Variants in EPB41L2 observed in about 807,000 individuals in gnomAD.
EPB41L2 encodes the protein erythrocyte membrane protein band 4.1 like 2.
In EPB41L2, 43 loss-of-function variants were observed where a neutral mutation model predicts 113.0. That is an observed-to-expected ratio of 0.38 (90% CI 0.30 to 0.49). EPB41L2 has a LOEUF of 0.49. Ranked by LOEUF, EPB41L2 falls within the 20% of genes least tolerant of loss-of-function variation. The pLI is 0.95. For missense variants in EPB41L2, 1,147 were observed against 1,223.4 expected, an observed-to-expected ratio of 0.94 and a Z score of 0.93; for synonymous variants, 442 against 436.7, an observed-to-expected ratio of 1.01 and a Z score of -0.15.
intron 19 of EPB41L2, among the ~76,000 whole-genome samples, chr6:130,846,780 T>C (rs1227928768): frequency 1.3e-5 from 2 of 152,194 alleles, no homozygotes; most frequent in South Asian, 2.1e-4. Flanking sequence ...TACATGCTAA[T>C]ATAACTTTAC....
chr6:131,054,448 C>T (rs986584348), intron 1 of EPB41L2, among the ~76,000 whole-genome samples: 9 of 152,214 alleles, frequency 5.9e-5, no homozygotes, highest in African/African-American at 2.2e-4. Context: ...CTGTCTGTCT[C>T]TACGGTCCCT....
intron 1 of EPB41L2, among the ~76,000 whole-genome samples, chr6:130,999,493 A>T (rs976467480): frequency 2.0e-5 from 3 of 152,236 alleles, no homozygotes; most frequent in African/African-American, 7.2e-5. Context: ...CTCTACTGGA[A>T]CAAATATTAT....
chr6:130,874,831 A>G lies in EPB41L2; in HGVS notation c.2043+3273T>C, dbSNP rs187953151. On this transcript the variant is annotated intron_variant, in intron 14 of 19. Coordinates refer to ENST00000337057, the MANE Select transcript of EPB41L2 (RefSeq NM_001431.4). ...AAACATGAGATCCAGAAAAATGATAATAATTTTAAACATCTCCACTAAAAT... is the reference window on the plus strand; with the variant it reads ...AAACATGAGATCCAGAAAAATGATAGTAATTTTAAACATCTCCACTAAAAT... Among the ~76,000 whole-genome samples the G allele has an allele frequency of 1.4e-3, 211 of 152,300 alleles. 3 individuals are homozygous for G. The highest frequency in any genetic ancestry group is 0.013 in the Admixed American group (193 of 15,306).
At position 130,894,819 on chromosome 6, in the gene EPB41L2, A is replaced by G. The variant is rs578137455; in HGVS notation, c.1389+148T>C. The G allele has an allele frequency of 8.0e-5, 74 of 921,354 alleles. No individual in the cohort carries two copies. The African/African-American group carries it at 1.0e-3, about 13-fold the overall frequency. 57.1% of individuals were successfully genotyped at this position (921,354 alleles called of 1,614,324 possible). The stretch of plus-strand genomic sequence containing the variant: ...ACAGACCAGACGTATATATACTGCA[A>G]TTTTACCATTAAGAACCCTGACCTT... On this transcript the variant is annotated intron_variant, in intron 9 of 19. Coordinates refer to ENST00000337057, the MANE Select transcript of EPB41L2 (RefSeq NM_001431.4).
Position 131,014,029 on chromosome 6 carries a change from C to T in EPB41L2, c.-15+49126G>A, listed in dbSNP as rs557361163. 6 of 149,802 alleles carry T rather than the reference C, an allele frequency of 4.0e-5. No individual in the cohort carries two copies. In the East Asian group the frequency reaches 1.2e-3, roughly 29 times the overall value. 9.3% of individuals were successfully genotyped at this position (149,802 alleles called of 1,614,324 possible). A position where few individuals can be genotyped will look rare whatever the true frequency, so the allele number is the denominator to read the frequency against. ...TTGGTGTCCCACTATTCTCAACTTG[C>T]CATGTTTCAAATAAATAGTTAAAAT... is the stretch of plus-strand genomic sequence containing the variant. On this transcript the variant is annotated intron_variant, in intron 1 of 19. Coordinates refer to ENST00000337057, the MANE Select transcript of EPB41L2 (RefSeq NM_001431.4).
At chr6:130,874,810 A>G (rs1188613065) in intron 14 of EPB41L2, among the ~76,000 whole-genome samples, 1 of 152,210 alleles carries the variant, frequency 6.6e-6, no homozygotes, top group Non-Finnish European at 1.5e-5. Context: ...TTCCTAAAAC[A>G]TGAGATCCAG....
chr6:130,867,559 ATC>A lies in EPB41L2; in HGVS notation c.2628_2629del (p.Glu876AspfsTer6). Reference sequence around the variant, plus strand: ...TTGTGAGGCATCAGAAATTGTTACCATCTCTGTTTTTACCACTGGTGGCTGAG... The same window carrying A: ...TTGTGAGGCATCAGAAATTGTTACCATCTGTTTTTACCACTGGTGGCTGAG... On this transcript the variant is annotated frameshift_variant, in exon 16 of 20. Coordinates refer to ENST00000337057, the MANE Select transcript of EPB41L2 (RefSeq NM_001431.4). LOFTEE classifies it high-confidence loss of function. The A allele has an allele frequency of 6.2e-7, 1 of 1,613,954 alleles. No homozygotes were observed. The highest frequency in any genetic ancestry group is 8.5e-7 in the Non-Finnish European group (1 of 1,179,872).
chr6:131,017,798 C>T (rs1398921028), intron 1 of EPB41L2, among the ~76,000 whole-genome samples: 3 of 152,204 alleles, frequency 2.0e-5, no homozygotes, highest in Non-Finnish European at 4.4e-5. Flanking sequence ...AACAATGAAT[C>T]TTCCCCAACA....
chr6:130,945,745 T>C lies in EPB41L2; in HGVS notation c.705+9360A>G, dbSNP rs543339026. 5.3e-5 allele frequency among the ~76,000 whole-genome samples: 8 copies of C among 152,316 alleles called. No homozygotes were observed. The East Asian group carries it at 1.2e-3, about 22-fold the overall frequency. On this transcript the variant is annotated intron_variant, in intron 3 of 19. Transcript: ENST00000337057. ...AAGAGAGGAAGTGACTCCCCCAAGA[T>C]ACCCAAAGAGTAAAAAGAAAAGTAA...
intron 3 of EPB41L2, among the ~76,000 whole-genome samples, chr6:130,937,294 G>C (rs538777611): frequency 8.5e-5 from 13 of 152,208 alleles, no homozygotes; most frequent in African/African-American, 3.1e-4. Flanking sequence ...TTTTTTAAAA[G>C]CTTAACCAAC....
At chr6:130,984,705 G>A (rs1315642000) in intron 1 of EPB41L2, among the ~76,000 whole-genome samples, 1 of 152,160 alleles carries the variant, frequency 6.6e-6, no homozygotes, top group Non-Finnish European at 1.5e-5. Context: ...ACATATACCA[G>A]GTTTCCCAGA....
intron 1 of EPB41L2, among the ~76,000 whole-genome samples, chr6:131,012,581 A>G (rs1349477951): frequency 6.6e-6 from 1 of 151,230 alleles, no homozygotes; most frequent in Non-Finnish European, 1.5e-5. Flanking sequence ...TTGAGATGAG[A>G]AAAAGATTAT....
At chr6:130,918,949 A>G (rs1391279496) in intron 4 of EPB41L2, among the ~76,000 whole-genome samples, 1 of 152,210 alleles carries the variant, frequency 6.6e-6, no homozygotes, top group African/African-American at 2.4e-5. Flanking sequence ...ATACAAATCT[A>G]TAGTGGAAGA....
intron 4 of EPB41L2, among the ~76,000 whole-genome samples, chr6:130,921,542 G>A (rs988923734): frequency 3.3e-5 from 5 of 152,056 alleles, no homozygotes; most frequent in African/African-American, 4.8e-5. Flanking sequence ...TTTAAACTCC[G>A]CACCCACATC....
chr6:131,028,590 C>T (rs1310086999), intron 1 of EPB41L2, among the ~76,000 whole-genome samples: 9 of 152,088 alleles, frequency 5.9e-5, no homozygotes, highest in East Asian at 1.9e-4. Context: ...ACTGAAGTAG[C>T]CCTCAAACAA....
At chr6:130,862,550 T>C (rs1265699348) in intron 18 of EPB41L2, among the ~76,000 whole-genome samples, 1 of 152,222 alleles carries the variant, frequency 6.6e-6, no homozygotes, top group Non-Finnish European at 1.5e-5. Context: ...CATTTTCCCA[T>C]GGTAAGCAGA....
chr6:130,911,116 G>A (rs1799250874), intron 4 of EPB41L2, among the ~76,000 whole-genome samples: 2 of 152,254 alleles, frequency 1.3e-5, no homozygotes, highest in African/African-American at 2.4e-5. Context: ...CAATGACTTG[G>A]AACCAACTCA....
chr6:131,056,712 T>C (rs1381219237), intron 1 of EPB41L2, among the ~76,000 whole-genome samples: 1 of 152,188 alleles, frequency 6.6e-6, no homozygotes, highest in African/African-American at 2.4e-5. Context: ...TTAATCCTCA[T>C]GTAACTCTGA....
intron 1 of EPB41L2, among the ~76,000 whole-genome samples, chr6:131,014,473 A>G (rs1787744950): frequency 6.6e-6 from 1 of 152,254 alleles, no homozygotes; most frequent in African/African-American, 2.4e-5. Context: ...AATCACTCAC[A>G]AAATGAAGCT....
Sources: gnomAD v4.1 joint callset for allele counts (sites outside exome capture counted in the v4.1 genomes callset) on GRCh38, gnomAD v4.1.1 for gene constraint, MANE v1.5 for transcripts, NCBI Gene and HGNC (gene_info 2026-07-23, HGNC 2026-07-21) for gene names.